ADGRE3: variants seen among roughly 807,000 people sequenced by gnomAD.
The protein encoded by ADGRE3 is adhesion G protein-coupled receptor E3.
In ADGRE3, 88 loss-of-function variants were observed where a neutral mutation model predicts 80.1. The observed-to-expected ratio is 1.10, with a 90% CI of 0.93 to 1.31. The LOEUF (loss-of-function observed/expected upper bound fraction) is 1.31. ADGRE3 is among the 40% of genes most tolerant of loss of function. The pLI is 0.00. For synonymous variants in ADGRE3, 281 were observed against 294.8 expected (o/e 0.95, Z 0.48); for missense variants, 715 against 776.5 (o/e 0.92, Z 0.94).
At chr19:14,650,527 T>C (rs1176998351) in intron 7 of ADGRE3, among the ~76,000 whole-genome samples, 1 of 151,854 alleles carries the variant, frequency 6.6e-6, no homozygotes, top group Non-Finnish European at 1.5e-5. Context: ...CCCATGTCTC[T>C]CTTTCCACCT....
the ADGRE3 span, among the ~76,000 whole-genome samples, chr19:14,611,711 C>G: frequency 6.6e-6 from 1 of 152,062 alleles, no homozygotes; most frequent in Non-Finnish European, 1.5e-5. Flanking sequence ...TGATATAATT[C>G]ACTTTACTTG....
intron 15 of ADGRE3, among the ~76,000 whole-genome samples, chr19:14,623,306 A>T (rs1286578591): frequency 6.8e-6 from 1 of 146,744 alleles, no homozygotes; most frequent in Admixed American, 6.7e-5. Flanking sequence ...AAATAAAAAA[A>T]AAAAAAAATA....
chr19:14,600,840 C>T, the ADGRE3 span, among the ~76,000 whole-genome samples: 3 of 150,152 alleles, frequency 2.0e-5, no homozygotes, highest in East Asian at 2.0e-4. Context: ...CTGCCCGCCT[C>T]GGCCTCCCAA....
At chr19:14,637,552 C>T (rs1971126565) in intron 11 of ADGRE3, among the ~76,000 whole-genome samples, 1 of 103,224 alleles carries the variant, frequency 9.7e-6, no homozygotes, top group South Asian at 4.0e-4. Context: ...AACCACCATG[C>T]TTGGCTATTT....
Position 14,633,313 on chromosome 19 carries a change from T to C in ADGRE3, c.1485-11A>G. On this transcript the variant is annotated splice_polypyrimidine_tract_variant and intron_variant, in intron 11 of 15. Coordinates refer to ENST00000253673, the MANE Select transcript of ADGRE3 (RefSeq NM_032571.5). Reference sequence around the variant, plus strand: ...AGGTGGAGCCAGCATCTAGGAACAGTGGGAAAAGAGATACAAAGAGAGATC... The same window carrying C: ...AGGTGGAGCCAGCATCTAGGAACAGCGGGAAAAGAGATACAAAGAGAGATC... 1 of 1,605,900 alleles carries C rather than the reference T, an allele frequency of 6.2e-7. No homozygotes were observed. The highest frequency in any genetic ancestry group is 1.1e-5 in the South Asian group (1 of 90,372).
In ADGRE3 at chr19:14,620,598, G is replaced by T. The variant is rs1472495090; in HGVS notation, c.1921-1127C>A. Among the ~76,000 whole-genome samples, 76 of 19,214 alleles carry T rather than the reference G, an allele frequency of 4.0e-3. 1 individual carries two copies. The highest frequency in any genetic ancestry group is 0.015 in the African/African-American group (60 of 4,056). 12.6% of individuals were successfully genotyped at this position (19,214 alleles called of 152,430 possible). On this transcript the variant is annotated intron_variant, in intron 15 of 15. Transcript: ENST00000253673. ...TTTTTTTTTTTTTTTTTTTTTTTTT[G>T]AGACAGGGTTTTGCTCTGTCACCCA...
At chr19:14,632,471 G>A (rs1003634741) in intron 13 of ADGRE3, among the ~76,000 whole-genome samples, 5 of 152,118 alleles carry the variant, frequency 3.3e-5, no homozygotes, top group Admixed American at 6.6e-5. Context: ...TTGCAGCTGG[G>A]TGTTATCATG....
At chr19:14,613,943 C>T in the ADGRE3 span, among the ~76,000 whole-genome samples, 1 of 152,186 alleles carries the variant, frequency 6.6e-6, no homozygotes, top group Admixed American at 6.5e-5. Flanking sequence ...GCCTTGGCCT[C>T]TCAAAGTGCT....
intron 14 of ADGRE3, among the ~76,000 whole-genome samples, chr19:14,626,647 G>A (rs1970744674): frequency 6.6e-6 from 1 of 152,180 alleles, no homozygotes. Context: ...TTTGAGGGGT[G>A]ATCCCAAGAA....
intron 4 of ADGRE3, among the ~76,000 whole-genome samples, chr19:14,659,822 GAAAAA>G (rs66908687): frequency 2.2e-5 from 1 of 44,838 alleles, no homozygotes; most frequent in Non-Finnish European, 3.9e-5. Context: ...CTCTGCCTCT[GAAAAA>G]AAAAAAAAAA....
rs558779250 is a variant in ADGRE3, at chr19:14,626,961, C to T, written c.1813-1362G>A. On this transcript the variant is annotated intron_variant, in intron 14 of 15. Transcript: ENST00000253673. ...GTGGGCAGTACGAAGCCTTCAGGCA[C>T]AGTCATGGGTGTTTGCAACAAGCAA... 1.3e-4 allele frequency among the ~76,000 whole-genome samples: 20 copies of T among 152,290 alleles called. 2 individuals are homozygous for T. The South Asian group carries it at 4.1e-3, about 32-fold the overall frequency.
chr19:14,652,911 G>A (rs1286715928), intron 6 of ADGRE3, among the ~76,000 whole-genome samples: 1 of 151,254 alleles, frequency 6.6e-6, no homozygotes, highest in Non-Finnish European at 1.5e-5. Flanking sequence ...TAATGTTTTT[G>A]GCCTACTGTT....
intron 14 of ADGRE3, among the ~76,000 whole-genome samples, chr19:14,627,433 A>G (rs1221009717): frequency 2.0e-5 from 3 of 152,086 alleles, no homozygotes; most frequent in Non-Finnish European, 4.4e-5. Flanking sequence ...GCTGGAATGC[A>G]ATGGTGTGAT....
chr19:14,607,209 C>CT, the ADGRE3 span: 15,183 of 296,862 alleles, frequency 0.051, 59 homozygotes, highest in Middle Eastern at 0.063. Context: ...GGAGCTGTTT[C>CT]TTTTTTTTTT....
At chr19:14,607,143 T>C in the ADGRE3 span, 1 of 998,678 alleles carries the variant, frequency 1.0e-6, no homozygotes, top group South Asian at 3.5e-5. Flanking sequence ...GCTTCCTCTG[T>C]GGGCCCTGAC....
At chr19:14,663,396 A>C (rs1972006005) in intron 3 of ADGRE3, 22 bp downstream of exon 3, 2 of 1,402,846 alleles carry the variant, frequency 1.4e-6, no homozygotes, top group Non-Finnish European at 1.9e-6. Context: ...AATAATAATA[A>C]AAAATAATAA....
At chr19:14,636,094 CTTT>C (rs1971058602) in intron 11 of ADGRE3, among the ~76,000 whole-genome samples, 1 of 37,114 alleles carries the variant, frequency 2.7e-5, no homozygotes, top group African/African-American at 8.2e-5. Context: ...TTCTTTCTTT[CTTT>C]CTTTCTTTCT....
chr19:14,635,559 G>A (rs957861858), intron 11 of ADGRE3, among the ~76,000 whole-genome samples: 10 of 151,582 alleles, frequency 6.6e-5, no homozygotes, highest in South Asian at 4.2e-4. Context: ...TTACAGGCGC[G>A]CACCACCACG....
At chr19:14,640,267 G>C (rs1300770375) in intron 10 of ADGRE3, among the ~76,000 whole-genome samples, 1 of 151,986 alleles carries the variant, frequency 6.6e-6, no homozygotes, top group East Asian at 1.9e-4. Flanking sequence ...GCTATGGGGG[G>C]GACAAAAGTT....
Sources: gnomAD v4.1 joint callset for allele counts (sites outside exome capture counted in the v4.1 genomes callset) on GRCh38, gnomAD v4.1.1 for gene constraint, MANE v1.5 for transcripts, NCBI Gene and HGNC (gene_info 2026-07-23, HGNC 2026-07-21) for gene names.